UBAP2: variants seen among roughly 807,000 people sequenced by gnomAD.
UBAP2 encodes the protein ubiquitin-associated protein 2.
Under a neutral mutation model 139.6 loss-of-function variants are expected in UBAP2, and 75 were observed. That is an observed-to-expected ratio of 0.54 (90% CI 0.45 to 0.65). The LOEUF is 0.65. Ranked by LOEUF, UBAP2 falls within the 30% of genes least tolerant of loss-of-function variation. The pLI is 0.00. For synonymous variants in UBAP2, 526 were observed against 526.2 expected (o/e 1.00, Z 0.01); for missense variants, 1,368 against 1,369.6 (o/e 1.00, Z 0.02).
Position 33,922,300 on chromosome 9 carries a change from C to T in UBAP2, c.*204G>A, listed in dbSNP as rs1044946012. The T allele has an allele frequency of 7.1e-6, 4 of 564,310 alleles. No individual in the cohort carries two copies. The highest frequency in any genetic ancestry group is 1.3e-5 in the Non-Finnish European group (4 of 319,278). 35.0% of individuals were successfully genotyped at this position (564,310 alleles called of 1,614,324 possible). On this transcript the variant is annotated 3_prime_UTR_variant, in exon 29 of 29. Transcript: ENST00000379238. Reference sequence around the variant, plus strand: ...TAACATCTGCCGCCATCCCCCAACTCCCCCCCAGACTTCTATCACATTTAC... The same window carrying T: ...TAACATCTGCCGCCATCCCCCAACTTCCCCCCAGACTTCTATCACATTTAC...
intron 1 of UBAP2, among the ~76,000 whole-genome samples, chr9:34,040,636 G>A (rs1826987549): frequency 6.6e-6 from 1 of 152,122 alleles, no homozygotes; most frequent in African/African-American, 2.4e-5. Context: ...CAGCTATGTG[G>A]CGTTCATGAA....
chr9:33,960,826 ATCT>A lies in UBAP2; in HGVS notation c.795_797del (p.Glu265del), dbSNP rs531619699. On this transcript the variant is annotated inframe_deletion and splice_region_variant, in exon 10 of 29. Coordinates refer to ENST00000379238, the MANE Select transcript of UBAP2 (RefSeq NM_001370062.2). The stretch of plus-strand genomic sequence containing the variant: ...GTCTCATCTGACAGCAAACACTTAC[ATCT>A]TCAGTCCAGTCTTCTGTTGTCCACT... 40 of 1,613,522 alleles carry A rather than the reference ATCT, an allele frequency of 2.5e-5. 1 individual carries two copies. The South Asian group carries it at 3.5e-4, about 14-fold the overall frequency.
intron 1 of UBAP2, among the ~76,000 whole-genome samples, chr9:34,026,938 G>T (rs1168810292): frequency 6.6e-6 from 1 of 152,028 alleles, no homozygotes; most frequent in East Asian, 1.9e-4. Flanking sequence ...AACTATTGTT[G>T]GCATCACCTG....
chr9:33,958,243 T>C (rs1328895145), intron 10 of UBAP2, among the ~76,000 whole-genome samples: 1 of 152,036 alleles, frequency 6.6e-6, no homozygotes, highest in Non-Finnish European at 1.5e-5. Flanking sequence ...GTTACAGGCA[T>C]GAGCCACTGT....
chr9:33,970,204 G>T (rs1352934843), intron 8 of UBAP2, among the ~76,000 whole-genome samples: 3 of 151,480 alleles, frequency 2.0e-5, no homozygotes, highest in South Asian at 4.2e-4. Flanking sequence ...ATATCTATAT[G>T]ATCCATATCA....
intron 12 of UBAP2, among the ~76,000 whole-genome samples, chr9:33,950,068 T>C (rs543582080): frequency 3.0e-5 from 3 of 99,472 alleles, no homozygotes; most frequent in Non-Finnish European, 4.3e-5. Context: ...ATTTCTTTTC[T>C]TTTCTTTTTT....
At position 33,921,921 on chromosome 9, in the gene UBAP2, T is replaced by C. The variant is rs11848; in HGVS notation, c.*583A>G. 0.08 allele frequency: 12,227 copies of C among 152,670 alleles called. 715 individuals are homozygous for C. Among genetic ancestry groups the C allele is most frequent in the Non-Finnish European group, 0.12 (8,097 of 68,408 alleles). 9.5% of individuals were successfully genotyped at this position (152,670 alleles called of 1,614,324 possible). A position where few individuals can be genotyped will look rare whatever the true frequency, so the allele number is the denominator to read the frequency against. On this transcript the variant is annotated 3_prime_UTR_variant, in exon 29 of 29. Coordinates refer to ENST00000379238, the MANE Select transcript of UBAP2 (RefSeq NM_001370062.2). Reference sequence around the variant, plus strand: ...GACCAGACCAGAAGCCCCTGTTCTATATGAAGACAAACAGGTGGCCATACT... The same window carrying C: ...GACCAGACCAGAAGCCCCTGTTCTACATGAAGACAAACAGGTGGCCATACT...
chr9:33,959,688 T>C (rs574600388), intron 10 of UBAP2, among the ~76,000 whole-genome samples: 2 of 152,228 alleles, frequency 1.3e-5, no homozygotes, highest in South Asian at 2.1e-4. Flanking sequence ...CTCAAAAATA[T>C]CTGTGCAATA....
chr9:33,926,594 C>T (rs749330150), intron 22 of UBAP2, 23 bp downstream of exon 22: 185 of 1,613,836 alleles, frequency 1.1e-4, no homozygotes, highest in Non-Finnish European at 1.5e-4. Flanking sequence ...CCCTCTGCTC[C>T]GACCAGTCCA....
At chr9:33,986,574 T>C (rs1821234773) in intron 6 of UBAP2, among the ~76,000 whole-genome samples, 186 bp downstream of exon 6, 1 of 152,210 alleles carries the variant, frequency 6.6e-6, no homozygotes, top group Admixed American at 6.5e-5. Context: ...AACAACCCTT[T>C]GGTTTCTTCA....
Position 33,923,921 on chromosome 9 carries a change from T to C in UBAP2, c.2670A>G (p.Gln890=), listed in dbSNP as rs761661680. 7 of 1,614,176 alleles carry C rather than the reference T, an allele frequency of 4.3e-6. No individual in the cohort carries two copies. In the East Asian group the frequency reaches 1.6e-4, roughly 36 times the overall value. The stretch of plus-strand genomic sequence containing the variant: ...GCTGGGCTGTGTGGTGGGTCTGTGA[T>C]TGGCTCTGCTGTGGCTGAGCTGGTG... The part of the protein sequence containing the change: ...ATTPAQPQQS[Q]SQTHHTAQQP... Residue 890 remains glutamine, a synonymous_variant, in exon 24 of 29, where the codon CAA becomes CAG. Coordinates refer to ENST00000379238, the MANE Select transcript of UBAP2 (RefSeq NM_001370062.2).
chr9:34,035,465 G>A (rs1485636197), intron 1 of UBAP2, among the ~76,000 whole-genome samples: 1 of 115,166 alleles, frequency 8.7e-6, no homozygotes, highest in East Asian at 2.8e-4. Flanking sequence ...TCGCGCCACT[G>A]CACTCCAGTC....
intron 1 of UBAP2, among the ~76,000 whole-genome samples, chr9:34,018,672 G>A (rs1190787957): frequency 1.3e-5 from 2 of 152,068 alleles, no homozygotes; most frequent in Non-Finnish European, 2.9e-5. Flanking sequence ...GACCATCCTG[G>A]CTAACACGGT....
intron 12 of UBAP2, among the ~76,000 whole-genome samples, chr9:33,953,056 T>G (rs955746640): frequency 6.6e-6 from 1 of 152,102 alleles, no homozygotes; most frequent in Non-Finnish European, 1.5e-5. Context: ...GTTTGCTTTT[T>G]TCGTAGAGAC....
chr9:33,940,992 A>G (rs548680375), intron 16 of UBAP2, among the ~76,000 whole-genome samples: 2 of 152,318 alleles, frequency 1.3e-5, no homozygotes, highest in East Asian at 3.9e-4. Flanking sequence ...TGTCATCCAT[A>G]TTATTTTAAT....
rs576891252 is a variant in UBAP2 at position 34,021,868 on chromosome 9, G to A, written c.-41-4679C>T. On this transcript the variant is annotated intron_variant, in intron 1 of 28. Transcript: ENST00000379238. ...AGGCTGGTTTCGAACTCCAGACCTC[G>A]GGTGATCCAACCGCCTCAACCTCCC... Among the ~76,000 whole-genome samples the A allele has an allele frequency of 1.5e-4, 23 of 152,176 alleles. No homozygotes were observed. In the East Asian group the frequency reaches 2.3e-3, roughly 15 times the overall value.
At chr9:33,988,825 C>A in intron 5 of UBAP2, 148 bp downstream of exon 5, 2 of 833,464 alleles carry the variant, frequency 2.4e-6, no homozygotes, top group Non-Finnish European at 3.8e-6. Flanking sequence ...ATCTTTCAGT[C>A]GTTCAGAATG....
At chr9:34,016,222 G>GAGGAAT (rs1824256467) in intron 2 of UBAP2, among the ~76,000 whole-genome samples, 2 of 114,716 alleles carry the variant, frequency 1.7e-5, no homozygotes, top group Non-Finnish European at 3.8e-5. Flanking sequence ...GGAGGAAGAG[G>GAGGAAT]AGGAGGAAGA....
intron 6 of UBAP2, among the ~76,000 whole-genome samples, chr9:33,980,226 T>A (rs1820529547): frequency 1.4e-5 from 1 of 71,638 alleles, no homozygotes; most frequent in African/African-American, 6.2e-5. Flanking sequence ...ATTTCTTTTT[T>A]TTTTTTTTTT....
Sources: gnomAD v4.1 joint callset for allele counts (sites outside exome capture counted in the v4.1 genomes callset) on GRCh38, gnomAD v4.1.1 for gene constraint, MANE v1.5 for transcripts, NCBI Gene and HGNC (gene_info 2026-07-23, HGNC 2026-07-21) for gene names.